The following HELZ variants were observed in gnomAD, a reference collection of about 807,000 sequenced individuals.
HELZ encodes ATP-dependent RNA helicase with zinc finger domain.
HELZ carries 23 observed loss-of-function variants against 218.2 expected under a neutral mutation model. That is an observed-to-expected ratio of 0.11 (90% CI 0.08 to 0.15). The LOEUF (loss-of-function observed/expected upper bound fraction) is 0.15. HELZ is among the 10% of genes least tolerant of loss of function. The pLI is 1.00. For missense variants in HELZ, 1,813 were observed against 2,353.7 expected (o/e 0.77, Z 4.75); for synonymous variants, 814 against 829.4 (o/e 0.98, Z 0.32).
At chr17:67,110,038 T>G (rs939698215) in intron 28 of HELZ, among the ~76,000 whole-genome samples, 42 of 152,164 alleles carry the variant, frequency 2.8e-4, no homozygotes, top group Admixed American at 2.7e-3. Context: ...TAAAATGTGT[T>G]TTCCTTCTGA....
In HELZ at chr17:67,109,491, G is replaced by T; in HGVS notation, c.4114C>A (p.Pro1372Thr). ...AACAAGGTGTGCTGCTGTGGAATTGGAAAGGGTGGTCTTGGTAGCTGGGGA... is the reference window on the plus strand; with the variant it reads ...AACAAGGTGTGCTGCTGTGGAATTGTAAAGGGTGGTCTTGGTAGCTGGGGA... ...PLPQLPRPPF[P>T]IPQQHTLLNQ... is the part of the protein sequence containing the mutation. The change falls in exon 29 of 33, where the codon CCA (proline) becomes ACA (threonine). Residue 1372 changes from proline (P) to threonine (T), a missense_variant. Transcript: ENST00000358691. 1 of 1,614,168 alleles carries T rather than the reference G, an allele frequency of 6.2e-7. No individual in the cohort carries two copies. Among genetic ancestry groups the T allele is most frequent in the African/African-American group, 1.3e-5 (1 of 75,046 alleles).
chr17:67,137,639 A>G lies in HELZ; in HGVS notation c.2953+292T>C, dbSNP rs1438531002. Among the ~76,000 whole-genome samples, 8 of 152,364 alleles carry G rather than the reference A, an allele frequency of 5.3e-5. No homozygotes were observed. In the East Asian group the frequency reaches 1.2e-3, roughly 22 times the overall value. ...TCCTCAGATACCGTATAACAGCAGA[A>G]TGTGTTATATACTATTATGACTGTA... is the stretch of plus-strand genomic sequence containing the variant. On this transcript the variant is annotated intron_variant, in intron 22 of 32. Coordinates refer to ENST00000358691, the MANE Select transcript of HELZ (RefSeq NM_014877.4).
At chr17:67,230,119 AT>A (rs201489352) in intron 3 of HELZ, among the ~76,000 whole-genome samples, 477 of 152,158 alleles carry the variant, frequency 3.1e-3, no homozygotes, top group African/African-American at 0.011. Context: ...TAAAATTGAG[AT>A]TTTTTTTCCA....
rs1269698741 is a variant in HELZ at position 67,072,999 on chromosome 17, C to A, written c.*5253G>T. 1 of 152,180 alleles carries A rather than the reference C, an allele frequency of 6.6e-6. No individual in the cohort carries two copies. Among genetic ancestry groups the A allele is most frequent in the African/African-American group, 2.4e-5 (1 of 41,432 alleles). The allele number at this position is 152,180 out of a possible 1,614,324, so 9.4% of individuals were successfully genotyped here. ...TCCAGCTATCTGAATTTTAACAAGA[C>A]CTCGAGGCAATTCTGATACTGGCTG... On this transcript the variant is annotated 3_prime_UTR_variant, in exon 33 of 33. Transcript: ENST00000358691.
At chr17:67,133,445 T>C (rs748948549) in intron 23 of HELZ, among the ~76,000 whole-genome samples, 1 of 152,232 alleles carries the variant, frequency 6.6e-6, no homozygotes, top group African/African-American at 2.4e-5. Context: ...ATGGTTTCTT[T>C]AAAAATATTC....
At chr17:67,112,969 A>G (rs535193588) in intron 28 of HELZ, among the ~76,000 whole-genome samples, 1 of 152,312 alleles carries the variant, frequency 6.6e-6, no homozygotes, top group Admixed American at 6.5e-5. Flanking sequence ...GTCAAGTAAG[A>G]CTACATTTGA....
At chr17:67,153,669 G>GC (rs911787622) in intron 17 of HELZ, among the ~76,000 whole-genome samples, 40 of 152,018 alleles carry the variant, frequency 2.6e-4, no homozygotes, top group African/African-American at 8.4e-4. Flanking sequence ...ACAAACAGAA[G>GC]CCCCCCCACT....
At chr17:67,236,048 C>CGG (rs1567917737) in intron 3 of HELZ, among the ~76,000 whole-genome samples, 4 of 152,154 alleles carry the variant, frequency 2.6e-5, no homozygotes, top group Non-Finnish European at 5.9e-5. Context: ...GCGTGAGCCA[C>CGG]TGCACCCAGC....
intron 28 of HELZ, among the ~76,000 whole-genome samples, chr17:67,112,612 T>C (rs1163663656): frequency 6.6e-6 from 1 of 152,224 alleles, no homozygotes; most frequent in African/African-American, 2.4e-5. Context: ...GATGCTTATG[T>C]GATATAAGTA....
chr17:67,107,652 A>G lies in HELZ; in HGVS notation c.4758T>C (p.Arg1586=). 1 of 1,613,946 alleles carries G rather than the reference A, an allele frequency of 6.2e-7. No homozygotes were observed. Among genetic ancestry groups the G allele is most frequent in the Non-Finnish European group, 8.5e-7 (1 of 1,179,980 alleles). The change falls in exon 31 of 33, where the codon CGT becomes CGC. Residue 1586 remains arginine, a synonymous_variant. Coordinates refer to ENST00000358691, the MANE Select transcript of HELZ (RefSeq NM_014877.4). ...CTAGTTCCCGTGTTTCACTTTGATC[A>G]CGATGAGACAGTTCTCTGATTAAGT... is the stretch of plus-strand genomic sequence containing the variant. ...FQDLIRELSH[R]DQSETRELAE... is the part of the protein sequence containing the mutation.
chr17:67,112,956 AAAGTC>A (rs941138692), intron 28 of HELZ, among the ~76,000 whole-genome samples: 46 of 152,348 alleles, frequency 3.0e-4, no homozygotes, highest in Admixed American at 1.3e-3. Context: ...AATACCAAGA[AAAGTC>A]AAGTAAGACT....
chr17:67,228,702 T>C (rs2040957485), intron 3 of HELZ, among the ~76,000 whole-genome samples: 1 of 138,260 alleles, frequency 7.2e-6, no homozygotes, highest in African/African-American at 2.7e-5. Flanking sequence ...AAAGCCAAAT[T>C]GATACATTAT....
intron 3 of HELZ, chr17:67,224,754 G>C: frequency 1.7e-6 from 2 of 1,157,542 alleles, no homozygotes; most frequent in Non-Finnish European, 2.5e-6. Context: ...AAACCCGCCG[G>C]ACTTTCTGTA....
intron 3 of HELZ, among the ~76,000 whole-genome samples, chr17:67,233,387 T>TA (rs1233346736): frequency 6.6e-6 from 1 of 152,002 alleles, no homozygotes; most frequent in East Asian, 1.9e-4. Flanking sequence ...AGATAGAAAA[T>TA]AAAGTCCTCA....
chr17:67,235,748 TC>T (rs1171391392), intron 3 of HELZ, among the ~76,000 whole-genome samples: 17 of 127,584 alleles, frequency 1.3e-4, no homozygotes, highest in Admixed American at 1.3e-3. Context: ...GACCACACAC[TC>T]TTTTTTTTTT....
intron 5 of HELZ, among the ~76,000 whole-genome samples, chr17:67,208,242 G>C (rs1037914128): frequency 6.6e-6 from 1 of 151,924 alleles, no homozygotes; most frequent in Non-Finnish European, 1.5e-5. Context: ...AAAAAAAGAA[G>C]TTTTTCAAAA....
chr17:67,170,684 G>A (rs2039282589), intron 13 of HELZ, among the ~76,000 whole-genome samples: 1 of 151,932 alleles, frequency 6.6e-6, no homozygotes, highest in African/African-American at 2.4e-5. Flanking sequence ...AAAATTACCT[G>A]GGCGTGATGG....
chr17:67,185,663 C>T (rs1374416825), intron 12 of HELZ, among the ~76,000 whole-genome samples: 1 of 152,174 alleles, frequency 6.6e-6, no homozygotes, highest in East Asian at 1.9e-4. Context: ...AGATTTCATA[C>T]TGTTTGTTAT....
chr17:67,179,795 A>G (rs1369277410), intron 12 of HELZ: 1 of 152,236 alleles, frequency 6.6e-6, no homozygotes, highest in East Asian at 1.9e-4. Flanking sequence ...AGACTTTGAC[A>G]TAACATAATT....
Sources: allele counts gnomAD v4.1 joint callset (sites outside exome capture counted in the v4.1 genomes callset), GRCh38; gene constraint gnomAD v4.1.1; transcripts MANE v1.5; gene names NCBI Gene and HGNC (gene_info 2026-07-23, HGNC 2026-07-21).